Variants in TRIQK observed in about 807,000 individuals in gnomAD.
The protein encoded by TRIQK is triple QxxK/R motif-containing protein.
TRIQK carries 10 observed loss-of-function variants against 10.8 expected under a neutral mutation model. The observed-to-expected ratio is 0.92, with a 90% CI of 0.57 to 1.57. TRIQK has a LOEUF of 1.57. Ranked by LOEUF, TRIQK falls within the 40% of genes most tolerant of loss-of-function variation. The probability of loss-of-function intolerance (pLI) is 0.00; values close to 1 mark genes in which losing one functional copy is unlikely to be tolerated. For missense variants in TRIQK, 107 were observed against 97.7 expected (o/e 1.09, Z -0.40); for synonymous variants, 33 against 33.7 (o/e 0.98, Z 0.07).
chr8:92,982,824 T>C (rs1409774581), intron 1 of TRIQK, among the ~76,000 whole-genome samples: 1 of 151,916 alleles, frequency 6.6e-6, no homozygotes, highest in Non-Finnish European at 1.5e-5. Flanking sequence ...GACTTCTTCC[T>C]CCTCCTAGGT....
chr8:92,906,650 T>G (rs1809273074), intron 3 of TRIQK, among the ~76,000 whole-genome samples: 1 of 151,232 alleles, frequency 6.6e-6, no homozygotes, highest in Admixed American at 6.6e-5. Flanking sequence ...AAAACATTTC[T>G]TCCTCTTCCT....
chr8:92,895,814 C>A (rs931702858), intron 3 of TRIQK, among the ~76,000 whole-genome samples: 1 of 151,854 alleles, frequency 6.6e-6, no homozygotes, highest in Non-Finnish European at 1.5e-5. Context: ...CCTTTTACCT[C>A]ATATAGTGAG....
intron 2 of TRIQK, among the ~76,000 whole-genome samples, chr8:92,918,992 T>C (rs1284642338): frequency 6.6e-6 from 1 of 151,868 alleles, no homozygotes; most frequent in Non-Finnish European, 1.5e-5. Flanking sequence ...GTTTCCCACA[T>C]TGTAACTTCA....
intron 2 of TRIQK, among the ~76,000 whole-genome samples, chr8:92,951,734 G>A (rs961426973): frequency 1.3e-5 from 2 of 152,078 alleles, no homozygotes; most frequent in African/African-American, 4.8e-5. Flanking sequence ...GTCCTCAGGA[G>A]AAACTAGTTA....
chr8:92,999,322 A>G (rs2130755413), intron 1 of TRIQK, among the ~76,000 whole-genome samples: 1 of 152,286 alleles, frequency 6.6e-6, no homozygotes, highest in Non-Finnish European at 1.5e-5. Flanking sequence ...TTGAAAACCC[A>G]ACTGTTTCAA....
chr8:92,893,584 A>G lies in TRIQK; in HGVS notation c.62-1510T>C, dbSNP rs142743493. On this transcript the variant is annotated intron_variant, in intron 3 of 4. Transcript: ENST00000521988. ...TACTCTGACCCATTTTAAATTAGCAATATTTAATTCTGATGAAAAAAATCT... is the reference window on the plus strand; with the variant it reads ...TACTCTGACCCATTTTAAATTAGCAGTATTTAATTCTGATGAAAAAAATCT... Among the ~76,000 whole-genome samples, 11 of 152,114 alleles carry G rather than the reference A, an allele frequency of 7.2e-5. No homozygotes were observed. The East Asian group carries it at 2.1e-3, about 29-fold the overall frequency.
intron 4 of TRIQK, among the ~76,000 whole-genome samples, chr8:92,888,382 G>T (rs1029179885): frequency 1.3e-5 from 2 of 151,462 alleles, no homozygotes; most frequent in Non-Finnish European, 3.0e-5. Flanking sequence ...GGCATTTAAG[G>T]GATAGGAAGC....
intron 1 of TRIQK, chr8:92,965,760 A>C (rs1812714112): frequency 6.6e-6 from 1 of 152,394 alleles, no homozygotes; most frequent in Admixed American, 6.5e-5. Flanking sequence ...CCCATCCCGC[A>C]GCCAGCGCCC....
chr8:92,921,253 A>C (rs944098184), intron 2 of TRIQK, among the ~76,000 whole-genome samples: 1 of 151,716 alleles, frequency 6.6e-6, no homozygotes, highest in African/African-American at 2.4e-5. Flanking sequence ...AGAAGCAATA[A>C]ATGCTAGATG....
chr8:92,985,255 C>T (rs1813020842), intron 1 of TRIQK, among the ~76,000 whole-genome samples: 1 of 150,734 alleles, frequency 6.6e-6, no homozygotes, highest in Admixed American at 6.6e-5. Flanking sequence ...CGCACGCATG[C>T]ACATGCACAT....
intron 1 of TRIQK, among the ~76,000 whole-genome samples, chr8:92,955,616 T>C (rs1219285534): frequency 2.6e-5 from 4 of 151,646 alleles, no homozygotes; most frequent in Non-Finnish European, 5.9e-5. Flanking sequence ...TTAAAGAACA[T>C]GACCAAAAAA....
chr8:92,960,037 AT>A (rs1476141741), intron 1 of TRIQK, among the ~76,000 whole-genome samples: 1 of 152,048 alleles, frequency 6.6e-6, no homozygotes, highest in Non-Finnish European at 1.5e-5. Context: ...TAATTTGACA[AT>A]TTTGTGATTT....
At chr8:92,951,054 C>T (rs1811872042) in intron 2 of TRIQK, among the ~76,000 whole-genome samples, 1 of 152,062 alleles carries the variant, frequency 6.6e-6, no homozygotes, top group African/African-American at 2.4e-5. Flanking sequence ...ATATTTAATA[C>T]ACTGTAAAAG....
At chr8:92,953,707 G>A (rs753489379) in intron 2 of TRIQK, 2 of 151,962 alleles carry the variant, frequency 1.3e-5, no homozygotes, top group Non-Finnish European at 2.9e-5. Flanking sequence ...CAGAGTTGAA[G>A]ATGAAATTAG....
At chr8:92,938,208 T>G (rs1256403060) in intron 2 of TRIQK, among the ~76,000 whole-genome samples, 1 of 152,082 alleles carries the variant, frequency 6.6e-6, no homozygotes, top group Non-Finnish European at 1.5e-5. Context: ...GGGATAGTTT[T>G]GTGGAACAGT....
At chr8:92,939,264 CTGGTTGATTATGAAG>C (rs1586461570) in intron 2 of TRIQK, among the ~76,000 whole-genome samples, 5 of 152,180 alleles carry the variant, frequency 3.3e-5, no homozygotes, top group South Asian at 4.2e-4. Context: ...ACTAAATGCC[CTGGTTGATTATGAAG>C]ACGTGCCATT....
chr8:92,958,641 A>G (rs372677063), intron 1 of TRIQK, among the ~76,000 whole-genome samples: 3 of 152,052 alleles, frequency 2.0e-5, no homozygotes, highest in Admixed American at 2.0e-4. Context: ...CTTAACCCAT[A>G]TAAGACCAAA....
intron 1 of TRIQK, among the ~76,000 whole-genome samples, chr8:92,972,162 C>G (rs1187564769): frequency 6.6e-6 from 1 of 152,026 alleles, no homozygotes; most frequent in African/African-American, 2.4e-5. Flanking sequence ...CTTTATAGCT[C>G]TATCTCTTGT....
At chr8:92,997,683 A>G (rs754379280) in intron 1 of TRIQK, among the ~76,000 whole-genome samples, 18 of 152,240 alleles carry the variant, frequency 1.2e-4, no homozygotes, top group Admixed American at 2.0e-4. Context: ...GTGCACTTTG[A>G]TATATATTTG....
Sources: allele counts gnomAD v4.1 joint callset (sites outside exome capture counted in the v4.1 genomes callset), GRCh38; gene constraint gnomAD v4.1.1; transcripts MANE v1.5; gene names NCBI Gene and HGNC (gene_info 2026-07-23, HGNC 2026-07-21).